Variants in ACKR2 observed in about 807,000 individuals in gnomAD.
The protein encoded by ACKR2 is C-C chemokine receptor D6.
For synonymous variants in ACKR2, 207 were observed against 192.2 expected (o/e 1.08, Z -0.64); for missense variants, 457 against 477.3 (o/e 0.96, Z 0.40).
At chr3:42,837,604 T>C (rs922944923) in intron 2 of ACKR2, among the ~76,000 whole-genome samples, 5 of 152,106 alleles carry the variant, frequency 3.3e-5, no homozygotes, top group Non-Finnish European at 7.4e-5. Flanking sequence ...TTTCTCTGTT[T>C]TTGTTATCTC....
rs1469152945 is a variant in ACKR2 at position 42,815,600 on chromosome 3, G to T, written c.-118-4031G>T. Among the ~76,000 whole-genome samples the T allele has an allele frequency of 2.0e-5, 3 of 152,210 alleles. No homozygotes were observed. The East Asian group carries it at 5.8e-4, about 29-fold the overall frequency. ...GTATTTAAAACTTGCCTAAAAGGTAGGAGCTTTTAAGTAAACAAAAAATTT... is the reference window on the plus strand; with the variant it reads ...GTATTTAAAACTTGCCTAAAAGGTATGAGCTTTTAAGTAAACAAAAAATTT... On this transcript the variant is annotated intron_variant, in intron 1 of 2. Transcript: ENST00000422265.
chr3:42,854,490 G>T (rs11129980), intron 2 of ACKR2, among the ~76,000 whole-genome samples: 40,907 of 151,770 alleles, frequency 0.27, 7,140 homozygotes, highest in East Asian at 0.61. Flanking sequence ...AAGGGAGTGT[G>T]GGGGGGAAGG....
At chr3:42,845,292 T>C (rs1489061778) in intron 2 of ACKR2, among the ~76,000 whole-genome samples, 1 of 152,098 alleles carries the variant, frequency 6.6e-6, no homozygotes, top group Non-Finnish European at 1.5e-5. Context: ...CAAGAAAAAA[T>C]TCAAAGACCC....
At position 42,865,804 on chromosome 3, in the gene ACKR2, C is replaced by T; in HGVS notation, c.*147C>T. ...CTCAGCCATCAGCAGCATTTGCTCG[C>T]CCCGCCTTCTTCCTCCACTTTCTTC... On this transcript the variant is annotated 3_prime_UTR_variant, in exon 3 of 3. Transcript: ENST00000422265. 3.2e-6 allele frequency: 2 copies of T among 623,178 alleles called. No individual in the cohort carries two copies. The highest frequency in any genetic ancestry group is 6.8e-5 in the Admixed American group (2 of 29,610). 38.6% of individuals were successfully genotyped at this position (623,178 alleles called of 1,614,324 possible). A position where few individuals can be genotyped will look rare whatever the true frequency, so the allele number is the denominator to read the frequency against.
intron 2 of ACKR2, among the ~76,000 whole-genome samples, chr3:42,822,885 C>A (rs189207513): frequency 6.6e-6 from 1 of 152,118 alleles, no homozygotes; most frequent in African/African-American, 2.4e-5. Context: ...CCCCCCTTCC[C>A]CAGTCATGAA....
intron 1 of ACKR2, among the ~76,000 whole-genome samples, chr3:42,816,648 A>G (rs1700753494): frequency 6.6e-6 from 1 of 151,178 alleles, no homozygotes; most frequent in Non-Finnish European, 1.5e-5. Flanking sequence ...CCTCTGCCTC[A>G]TGGGTTCAAG....
chr3:42,836,877 C>T (rs1204173731), intron 2 of ACKR2, among the ~76,000 whole-genome samples: 3 of 152,212 alleles, frequency 2.0e-5, no homozygotes, highest in Non-Finnish European at 4.4e-5. Flanking sequence ...CATCATCTTG[C>T]TTACTGTCAT....
intron 2 of ACKR2, among the ~76,000 whole-genome samples, chr3:42,828,183 C>T (rs1307517868): frequency 6.6e-6 from 1 of 150,652 alleles, no homozygotes; most frequent in South Asian, 2.1e-4. Context: ...AATCTCTGCT[C>T]ACTGCAATCT....
In ACKR2 at chr3:42,865,674, C is replaced by T. The variant is rs2088429649; in HGVS notation, c.*17C>T. ...TCAGCCTGAGTGACCAAATTTTGGTCTGGTGGGAACAGATGGGAACCAGCT... is the reference window on the plus strand; with the variant it reads ...TCAGCCTGAGTGACCAAATTTTGGTTTGGTGGGAACAGATGGGAACCAGCT... On this transcript the variant is annotated 3_prime_UTR_variant, in exon 3 of 3. Coordinates refer to ENST00000422265, the MANE Select transcript of ACKR2 (RefSeq NM_001296.5). The T allele has an allele frequency of 1.9e-6, 3 of 1,585,606 alleles. No homozygotes were observed. In the East Asian group the frequency reaches 6.7e-5, roughly 35 times the overall value.
chr3:42,822,402 A>G (rs1013615659), intron 2 of ACKR2, among the ~76,000 whole-genome samples: 3 of 152,224 alleles, frequency 2.0e-5, no homozygotes, highest in African/African-American at 7.2e-5. Flanking sequence ...CCCAGTCTCT[A>G]AATTAAAGCT....
At chr3:42,830,001 A>C (rs182109451) in intron 2 of ACKR2, among the ~76,000 whole-genome samples, 1 of 152,296 alleles carries the variant, frequency 6.6e-6, no homozygotes, top group East Asian at 1.9e-4. Context: ...AAACATTGTG[A>C]TTCTTTCATA....
chr3:42,825,287 A>G (rs1394262741), intron 2 of ACKR2, among the ~76,000 whole-genome samples: 1 of 152,184 alleles, frequency 6.6e-6, no homozygotes, highest in Non-Finnish European at 1.5e-5. Context: ...TCTGTAGATC[A>G]ATGAAGGGAG....
chr3:42,838,862 G>T (rs1430500510), intron 2 of ACKR2, among the ~76,000 whole-genome samples: 1 of 152,226 alleles, frequency 6.6e-6, no homozygotes, highest in Non-Finnish European at 1.5e-5. Flanking sequence ...GTTGCTAGAG[G>T]GAATGTAATT....
chr3:42,822,165 T>TATAA (rs143225523), intron 2 of ACKR2, among the ~76,000 whole-genome samples: 40,615 of 148,566 alleles, frequency 0.27, 6,354 homozygotes, highest in East Asian at 0.47. Flanking sequence ...TAGAGACAGA[T>TATAA]ATAAATAAAT....
At chr3:42,822,680 C>G (rs940926806) in intron 2 of ACKR2, among the ~76,000 whole-genome samples, 2 of 152,016 alleles carry the variant, frequency 1.3e-5, no homozygotes, top group Non-Finnish European at 2.9e-5. Context: ...TGGTGAAACC[C>G]TGTCTCTACT....
chr3:42,864,764 C>A lies in ACKR2; in HGVS notation c.262C>A (p.Leu88Met). 1 of 1,614,258 alleles carries A rather than the reference C, an allele frequency of 6.2e-7. No homozygotes were observed. The highest frequency in any genetic ancestry group is 8.5e-7 in the Non-Finnish European group (1 of 1,180,048). ...RRMVEIYLLN[L>M]AISNLLFLVT... ...GATGGTTGAGATCTATCTGCTGAAT[C>A]TGGCCATCTCCAACCTTCTGTTTCT... Residue 88 changes from leucine to methionine, a missense_variant, in exon 3 of 3, where the codon CTG becomes ATG. Coordinates refer to ENST00000422265, the MANE Select transcript of ACKR2 (RefSeq NM_001296.5).
intron 1 of ACKR2, among the ~76,000 whole-genome samples, chr3:42,815,266 T>C (rs951039186): frequency 1.3e-5 from 2 of 152,192 alleles, no homozygotes; most frequent in African/African-American, 2.4e-5. Flanking sequence ...TTACATACTG[T>C]GTATTGAGAC....
At position 42,860,925 on chromosome 3, in the gene ACKR2, C is replaced by T. The variant is rs186597615; in HGVS notation, c.-37-3541C>T. On this transcript the variant is annotated intron_variant, in intron 2 of 2. Transcript: ENST00000422265. ...GGAGAAAGCAGGAAAGATTTAAAAT[C>T]GACAGCCTAACATCACAATTAAAAG... 7.2e-5 allele frequency among the ~76,000 whole-genome samples: 11 copies of T among 152,034 alleles called. No homozygotes were observed. In the East Asian group the frequency reaches 9.7e-4, roughly 13 times the overall value.
intron 2 of ACKR2, among the ~76,000 whole-genome samples, chr3:42,860,142 T>G (rs1185253105): frequency 2.6e-4 from 14 of 53,042 alleles, no homozygotes; most frequent in Admixed American, 8.4e-4. Flanking sequence ...GATGGAGGAA[T>G]ATTTATCAAG....
Sources: gnomAD v4.1 joint callset for allele counts (sites outside exome capture counted in the v4.1 genomes callset) on GRCh38, gnomAD v4.1.1 for gene constraint, MANE v1.5 for transcripts, NCBI Gene and HGNC (gene_info 2026-07-23, HGNC 2026-07-21) for gene names.